STT3B: variants seen among roughly 807,000 people sequenced by gnomAD.
The protein encoded by STT3B is dolichyl-diphosphooligosaccharide--protein glycosyltransferase subunit STT3B.
In STT3B, 29 loss-of-function variants were observed where a neutral mutation model predicts 96.8. The observed-to-expected ratio is 0.30, with a 90% CI of 0.22 to 0.41. The LOEUF (loss-of-function observed/expected upper bound fraction) is 0.41. Ranked by LOEUF, STT3B falls within the 10% of genes least tolerant of loss-of-function variation. The pLI, the probability that STT3B is intolerant of heterozygous loss-of-function variation, is 1.00. For synonymous variants in STT3B, 367 were observed against 360.0 expected, an observed-to-expected ratio of 1.02 and a Z score of -0.22; for missense variants, 640 against 1,022.3, an observed-to-expected ratio of 0.63 and a Z score of 5.10.
chr3:31,614,685 A>G (rs1038635360), intron 5 of STT3B, among the ~76,000 whole-genome samples: 5 of 149,868 alleles, frequency 3.3e-5, no homozygotes, highest in East Asian at 2.0e-4. Flanking sequence ...AGTAGCAGGT[A>G]TTCACACATG....
chr3:31,589,131 A>G (rs993935857), intron 3 of STT3B, among the ~76,000 whole-genome samples: 3 of 152,040 alleles, frequency 2.0e-5, no homozygotes, highest in South Asian at 2.1e-4. Flanking sequence ...GTAGTTTTCC[A>G]TATAGGGATT....
intron 8 of STT3B, among the ~76,000 whole-genome samples, chr3:31,618,872 A>AAGTAATAATATAACT (rs1699368639): frequency 6.6e-6 from 1 of 152,068 alleles, no homozygotes; most frequent in Non-Finnish European, 1.5e-5. Context: ...TTATATTATA[A>AAGTAATAATATAACT]AGTAATAATA....
chr3:31,592,485 A>AT (rs1698688852), intron 3 of STT3B, among the ~76,000 whole-genome samples: 2 of 152,156 alleles, frequency 1.3e-5, no homozygotes, highest in Non-Finnish European at 2.9e-5. Context: ...TGTCAATTCT[A>AT]TTTTTAAATT....
Position 31,636,154 on chromosome 3 carries a change from G to A in STT3B, c.*90G>A, listed in dbSNP as rs1699751365. On this transcript the variant is annotated 3_prime_UTR_variant, in exon 16 of 16. Coordinates refer to ENST00000295770, the MANE Select transcript of STT3B (RefSeq NM_178862.3). The stretch of plus-strand genomic sequence containing the variant: ...TCATGTCGTGTTTCACAGCAAAGAG[G>A]GTACAGAACCATCACTGGTCCAGGT... 11 of 973,254 alleles carry A rather than the reference G, an allele frequency of 1.1e-5. No homozygotes were observed. The highest frequency in any genetic ancestry group is 1.1e-4 in the South Asian group (5 of 46,632). 60.3% of individuals were successfully genotyped at this position (973,254 alleles called of 1,614,324 possible). A position where few individuals can be genotyped will look rare whatever the true frequency, so the allele number is the denominator to read the frequency against.
intron 14 of STT3B, 33 bp downstream of exon 14, chr3:31,629,444 T>C (rs750441736): frequency 8.2e-7 from 1 of 1,212,232 alleles, no homozygotes; most frequent in Non-Finnish European, 1.2e-6. Context: ...TAATTTTCAT[T>C]CAAAATAATG....
chr3:31,544,537 G>C (rs1272930550), intron 1 of STT3B, among the ~76,000 whole-genome samples: 1 of 152,146 alleles, frequency 6.6e-6, no homozygotes, highest in Non-Finnish European at 1.5e-5. Flanking sequence ...TCCTAAAACA[G>C]TATGCTGTAA....
intron 15 of STT3B, among the ~76,000 whole-genome samples, chr3:31,634,617 C>T (rs181059856): frequency 1.8e-4 from 28 of 152,246 alleles, no homozygotes; most frequent in African/African-American, 6.3e-4. Context: ...GTATACATAA[C>T]AGCATCCATT....
At chr3:31,553,703 A>G (rs182514134) in intron 1 of STT3B, among the ~76,000 whole-genome samples, 1 of 152,308 alleles carries the variant, frequency 6.6e-6, no homozygotes, top group African/African-American at 2.4e-5. Context: ...GTGTATTTTA[A>G]AGCATCTAAA....
intron 3 of STT3B, among the ~76,000 whole-genome samples, chr3:31,584,877 T>C (rs1338406820): frequency 6.6e-6 from 1 of 152,134 alleles, no homozygotes; most frequent in African/African-American, 2.4e-5. Context: ...TACAGAATTA[T>C]AATAGATGAT....
At chr3:31,595,400 G>A (rs982517929) in intron 3 of STT3B, among the ~76,000 whole-genome samples, 6 of 152,102 alleles carry the variant, frequency 3.9e-5, no homozygotes, top group African/African-American at 1.4e-4. Context: ...TTTCTGTTTT[G>A]GCAGGTGGTG....
chr3:31,608,898 C>T (rs1165024283), intron 5 of STT3B, among the ~76,000 whole-genome samples: 3 of 152,020 alleles, frequency 2.0e-5, no homozygotes, highest in African/African-American at 4.8e-5. Flanking sequence ...GGGTGGATCA[C>T]GAGGTCAAGA....
At chr3:31,597,945 C>T (rs1002427016) in intron 4 of STT3B, among the ~76,000 whole-genome samples, 2 of 151,292 alleles carry the variant, frequency 1.3e-5, no homozygotes, top group African/African-American at 4.9e-5. Flanking sequence ...AAGCTATTCT[C>T]GCGCCTCAGC....
intron 1 of STT3B, among the ~76,000 whole-genome samples, chr3:31,547,482 TA>T (rs1357918889): frequency 6.6e-6 from 1 of 152,048 alleles, no homozygotes; most frequent in African/African-American, 2.4e-5. Flanking sequence ...CCGTCTCTAC[TA>T]AAAATACAAA....
At chr3:31,627,950 A>G (rs981536228) in intron 13 of STT3B, among the ~76,000 whole-genome samples, 15 of 151,630 alleles carry the variant, frequency 9.9e-5, no homozygotes, top group Non-Finnish European at 1.8e-4. Context: ...ATAAATGTCT[A>G]CCCCCTTCAC....
Position 31,623,992 on chromosome 3 carries a change from A to G in STT3B, c.1727+131A>G, listed in dbSNP as rs1699480911. On this transcript the variant is annotated intron_variant, in intron 11 of 15. Transcript: ENST00000295770. ...TTGCTTGTTTTTAATTTTTTATTTT[A>G]ATTTTGGTAGGTACACAGTAAATAC... The G allele has an allele frequency of 6.4e-6, 5 of 775,288 alleles. No individual in the cohort carries two copies. In the East Asian group the frequency reaches 1.4e-4, roughly 21 times the overall value. 48.0% of individuals were successfully genotyped at this position (775,288 alleles called of 1,614,324 possible).
intron 15 of STT3B, among the ~76,000 whole-genome samples, chr3:31,634,806 C>A (rs184354753): frequency 3.3e-4 from 50 of 152,192 alleles, no homozygotes; most frequent in African/African-American, 1.1e-3. Context: ...GAAAAAGTAT[C>A]CTGTTAGAAT....
chr3:31,575,668 T>C (rs1698248014), intron 1 of STT3B, among the ~76,000 whole-genome samples: 1 of 152,096 alleles, frequency 6.6e-6, no homozygotes, highest in South Asian at 2.1e-4. Context: ...TGTGTAGTGC[T>C]TCTACCTCAG....
chr3:31,548,720 G>A lies in STT3B; in HGVS notation c.314+15408G>A, dbSNP rs150385641. ...TTGCTGATATTTTCTGTTCGGAAAG[G>A]GGGTGAAGAACCTTCCCCCCTTTGA... On this transcript the variant is annotated intron_variant, in intron 1 of 15. Coordinates refer to ENST00000295770, the MANE Select transcript of STT3B (RefSeq NM_178862.3). Among the ~76,000 whole-genome samples, 306 of 152,164 alleles carry A rather than the reference G, an allele frequency of 2.0e-3. 1 individual carries two copies. The highest frequency in any genetic ancestry group is 7.1e-3 in the African/African-American group (294 of 41,524).
At chr3:31,561,479 A>G (rs1697876071) in intron 1 of STT3B, among the ~76,000 whole-genome samples, 1 of 152,124 alleles carries the variant, frequency 6.6e-6, no homozygotes, top group Admixed American at 6.6e-5. Context: ...TATTGACCAT[A>G]GTCACCCTAT....
Sources: gnomAD v4.1 joint callset for allele counts (sites outside exome capture counted in the v4.1 genomes callset) on GRCh38, gnomAD v4.1.1 for gene constraint, MANE v1.5 for transcripts, NCBI Gene and HGNC (gene_info 2026-07-23, HGNC 2026-07-21) for gene names.